CHEK1: variants seen among roughly 807,000 people sequenced by gnomAD.
CHEK1 encodes serine/threonine-protein kinase Chk1.
CHEK1 carries 32 observed loss-of-function variants against 60.2 expected under a neutral mutation model. That is an observed-to-expected ratio of 0.53 (90% CI 0.40 to 0.71). CHEK1 has a LOEUF of 0.71. Ranked by LOEUF, CHEK1 falls within the 30% of genes least tolerant of loss-of-function variation. The pLI, the probability that CHEK1 is intolerant of heterozygous loss-of-function variation, is 0.00. For synonymous variants in CHEK1, 179 were observed against 187.2 expected, an observed-to-expected ratio of 0.96 and a Z score of 0.36; for missense variants, 399 against 564.6, an observed-to-expected ratio of 0.71 and a Z score of 2.97.
At chr11:125,626,720 C>A (rs769358548) in intron 1 of CHEK1, 29 bp from the exon 2 acceptor site, 66 of 1,606,714 alleles carry the variant, frequency 4.1e-5, no homozygotes, top group Middle Eastern at 1.6e-4. Flanking sequence ...TTACACTCTA[C>A]ATCTTTTCTG....
chr11:125,629,284 C>T lies in CHEK1; in HGVS notation c.342C>T (p.Leu114=). Residue 114 remains leucine (L), a synonymous_variant, in exon 4 of 13, where the codon CTC becomes CTT. Transcript: ENST00000438015. ...ATGCTCAGAGATTCTTCCATCAACT[C>T]ATGGCAGGGGTGGTAGGTATAGTTG... is the stretch of plus-strand genomic sequence containing the variant. ...EPDAQRFFHQ[L]MAGVVYLHGI... 1 of 1,614,128 alleles carries T rather than the reference C, an allele frequency of 6.2e-7. No individual in the cohort carries two copies. The highest frequency in any genetic ancestry group is 8.5e-7 in the Non-Finnish European group (1 of 1,180,000).
chr11:125,668,640 A>C (rs1159389588), intron 13 of CHEK1, among the ~76,000 whole-genome samples: 6 of 152,146 alleles, frequency 3.9e-5, no homozygotes, highest in Admixed American at 1.3e-4. Context: ...TGCAGCCTCA[A>C]ATCCCTGGGC....
Position 125,625,744 on chromosome 11 carries a change from G to A in CHEK1, c.-289G>A, listed in dbSNP as rs1466211727. On this transcript the variant is annotated 5_prime_UTR_variant, in exon 1 of 13. Transcript: ENST00000438015. ...GGATGCCACTTCATATTTGGGCCCA[G>A]AGCTCAATTCGCGCCGATGCGGTCC... 1 of 677,864 alleles carries A rather than the reference G, an allele frequency of 1.5e-6. No homozygotes were observed. The highest frequency in any genetic ancestry group is 2.0e-5 in the Admixed American group (1 of 49,016). The allele number at this position is 677,864 out of a possible 1,614,324, so 42.0% of individuals were successfully genotyped here.
intron 6 of CHEK1, among the ~76,000 whole-genome samples, chr11:125,634,398 C>CTGCAGCCT (rs1940984675): frequency 6.6e-6 from 1 of 151,992 alleles, no homozygotes; most frequent in Non-Finnish European, 1.5e-5. Context: ...TCAAGGCTCA[C>CTGCAGCCT]TGCAGCCTTG....
rs1462376220 is a variant in CHEK1 at position 125,644,252 on chromosome 11, C to G, written c.1085C>G (p.Thr362Ser). 6.2e-7 allele frequency: 1 copy of G among 1,612,268 alleles called. No homozygotes were observed. Among genetic ancestry groups the G allele is most frequent in the South Asian group, 1.1e-5 (1 of 90,240 alleles). ...CTTTTGAATAGTCAGTTACTTGGCA[C>G]CCCAGGATCCTCACAGGTGAGGGAA... ...HMLLNSQLLGTPGSSQNPWQR... is the reference protein window; with the variant it reads ...HMLLNSQLLGSPGSSQNPWQR... Residue 362 changes from threonine (T) to serine (S), a missense_variant, in exon 10 of 13, where the codon ACC becomes AGC. Transcript: ENST00000438015.
At position 125,625,775 on chromosome 11, in the gene CHEK1, C is replaced by A. The variant is rs1399750655; in HGVS notation, c.-258C>A. On this transcript the variant is annotated 5_prime_UTR_variant, in exon 1 of 13. Coordinates refer to ENST00000438015, the MANE Select transcript of CHEK1 (RefSeq NM_001114122.3). ...AATTCGCGCCGATGCGGTCCGCCGT[C>A]CTTAAATCTCTTCAGCCAGGATCTC... is the stretch of plus-strand genomic sequence containing the variant. The A allele has an allele frequency of 2.9e-6, 2 of 694,546 alleles. No individual in the cohort carries two copies. Among genetic ancestry groups the A allele is most frequent in the East Asian group, 5.4e-5 (2 of 37,030 alleles). 43.0% of individuals were successfully genotyped at this position (694,546 alleles called of 1,614,324 possible). A position where few individuals can be genotyped will look rare whatever the true frequency, so the allele number is the denominator to read the frequency against.
At chr11:125,662,410 AT>A (rs1942034019) in intron 13 of CHEK1, among the ~76,000 whole-genome samples, 1 of 152,184 alleles carries the variant, frequency 6.6e-6, no homozygotes, top group Non-Finnish European at 1.5e-5. Context: ...ATACTATCAC[AT>A]TGGGAATTGG....
chr11:125,668,193 T>G (rs1384674592), intron 13 of CHEK1, among the ~76,000 whole-genome samples: 7 of 152,208 alleles, frequency 4.6e-5, no homozygotes, highest in Non-Finnish European at 1.0e-4. Flanking sequence ...AAAAAAAAGT[T>G]TTTCCCCTTG....
intron 11 of CHEK1, among the ~76,000 whole-genome samples, chr11:125,647,396 C>T (rs920370447): frequency 2.0e-5 from 3 of 148,450 alleles, no homozygotes; most frequent in Non-Finnish European, 3.0e-5. Flanking sequence ...ATCTATATGT[C>T]TGTGCTATGC....
At chr11:125,679,782 C>T (rs1257915520), downstream of CHEK1, among the ~76,000 whole-genome samples, 1 of 152,138 alleles carries the variant, frequency 6.6e-6, no homozygotes, top group African/African-American at 2.4e-5. Context: ...TGGCACAGTG[C>T]AGTACTTACA....
intron 11 of CHEK1, among the ~76,000 whole-genome samples, chr11:125,648,710 T>C (rs1159142647): frequency 2.0e-5 from 3 of 152,136 alleles, no homozygotes; most frequent in Non-Finnish European, 4.4e-5. Context: ...TCCAACATTA[T>C]GTTGAACAGA....
chr11:125,651,554 T>C (rs1941734504), intron 11 of CHEK1, among the ~76,000 whole-genome samples: 1 of 151,982 alleles, frequency 6.6e-6, no homozygotes, highest in Non-Finnish European at 1.5e-5. Context: ...TCCCCAAGTG[T>C]TGGGATTACA....
At chr11:125,673,191 C>T (rs1304465774) in intron 13 of CHEK1, among the ~76,000 whole-genome samples, 2 of 136,762 alleles carry the variant, frequency 1.5e-5, no homozygotes, top group Non-Finnish European at 3.1e-5. Flanking sequence ...ATACTGTGGA[C>T]TACACCCTTT....
chr11:125,636,182 A>G (rs1277956635), intron 7 of CHEK1: 1 of 152,168 alleles, frequency 6.6e-6, no homozygotes, highest in African/African-American at 2.4e-5. Flanking sequence ...GAATATATGT[A>G]TATTATTTAT....
chr11:125,634,015 T>A (rs552539060), intron 6 of CHEK1, among the ~76,000 whole-genome samples: 42 of 150,738 alleles, frequency 2.8e-4, no homozygotes, highest in Middle Eastern at 3.4e-3. Context: ...TTTTTTTTTT[T>A]AGACCAGAGT....
At position 125,635,410 on chromosome 11, in the gene CHEK1, G is replaced by A; in HGVS notation, c.614-19G>A. ...ATAATAAGAACATTTAAAAAAACTG[G>A]GACTTGCTTTGTTTTTAGAATTGCC... On this transcript the variant is annotated intron_variant, in intron 6 of 12. Transcript: ENST00000438015. 7.1e-7 allele frequency: 1 copy of A among 1,408,692 alleles called. No individual in the cohort carries two copies. Among genetic ancestry groups the A allele is most frequent in the South Asian group, 1.3e-5 (1 of 75,544 alleles). 87.3% of individuals were successfully genotyped at this position (1,408,692 alleles called of 1,614,324 possible).
rs370678835 is a variant in CHEK1 at position 125,656,815 on chromosome 11, C to T, written c.*1495C>T. On this transcript the variant is annotated 3_prime_UTR_variant, in exon 13 of 13. Coordinates refer to ENST00000438015, the MANE Select transcript of CHEK1 (RefSeq NM_001114122.3). ...CTTCCTCTGCAAAGTCTTTCCCTGA[C>T]TTATCTAAAATAATAACCTCCTCTG... is the stretch of plus-strand genomic sequence containing the variant. 1.9e-5 allele frequency: 4 copies of T among 213,258 alleles called. No homozygotes were observed. Among genetic ancestry groups the T allele is most frequent in the African/African-American group, 4.5e-5 (2 of 44,322 alleles). 13.2% of individuals were successfully genotyped at this position (213,258 alleles called of 1,614,324 possible). A position where few individuals can be genotyped will look rare whatever the true frequency, so the allele number is the denominator to read the frequency against.
At chr11:125,666,654 CT>C in intron 13 of CHEK1, among the ~76,000 whole-genome samples, 1 of 151,916 alleles carries the variant, frequency 6.6e-6, no homozygotes, top group Non-Finnish European at 1.5e-5. Flanking sequence ...GTAATATTTG[CT>C]TTATATATTT....
chr11:125,661,756 A>G (rs1463500434), downstream of CHEK1, among the ~76,000 whole-genome samples: 1 of 151,998 alleles, frequency 6.6e-6, no homozygotes, highest in African/African-American at 2.4e-5. Flanking sequence ...CCTCTTTCTG[A>G]CAATCAAAGA....
Sources: allele counts gnomAD v4.1 joint callset (sites outside exome capture counted in the v4.1 genomes callset), GRCh38; gene constraint gnomAD v4.1.1; transcripts MANE v1.5; gene names NCBI Gene and HGNC (gene_info 2026-07-23, HGNC 2026-07-21).